The following SHANK2 variants were observed in gnomAD, a reference collection of about 807,000 sequenced individuals.
SHANK2 encodes SH3 and multiple ankyrin repeat domains 2.
Under a neutral mutation model 133.7 loss-of-function variants are expected in SHANK2, and 43 were observed. That is an observed-to-expected ratio of 0.32 (90% CI 0.25 to 0.41). The LOEUF (loss-of-function observed/expected upper bound fraction) is 0.41. Among genes scored for constraint, SHANK2 ranks in the 10% least tolerant of loss-of-function variants. SHANK2 has a pLI of 1.00. For missense variants in SHANK2, 1,994 were observed against 2,235.8 expected, an observed-to-expected ratio of 0.89 and a Z score of 2.18; for synonymous variants, 1,017 against 952.8, an observed-to-expected ratio of 1.07 and a Z score of -1.24.
At chr11:70,889,907 G>T (rs2135621952) in intron 11 of SHANK2, among the ~76,000 whole-genome samples, 1 of 152,256 alleles carries the variant, frequency 6.6e-6, no homozygotes, top group African/African-American at 2.4e-5. Flanking sequence ...GAAGACTGGG[G>T]CCAGGACATG....
intron 3 of SHANK2, among the ~76,000 whole-genome samples, chr11:71,141,610 C>T (rs1952555830): frequency 1.3e-5 from 2 of 152,140 alleles, no homozygotes; most frequent in Admixed American, 1.3e-4. Context: ...GTCTATTAAA[C>T]CTGTTTTTTA....
intron 17 of SHANK2, among the ~76,000 whole-genome samples, chr11:70,593,708 G>A (rs2060359901): frequency 6.6e-6 from 1 of 152,212 alleles, no homozygotes; most frequent in Non-Finnish European, 1.5e-5. Flanking sequence ...GGTTGGGCAG[G>A]TTACATTCCT....
At chr11:70,734,230 G>A (rs1229389101) in intron 14 of SHANK2, among the ~76,000 whole-genome samples, 1 of 152,212 alleles carries the variant, frequency 6.6e-6, no homozygotes, top group Non-Finnish European at 1.5e-5. Flanking sequence ...CCGTGACGGG[G>A]GAACTGGCTA....
chr11:70,894,833 G>A (rs1282237924), intron 11 of SHANK2, among the ~76,000 whole-genome samples: 1 of 152,124 alleles, frequency 6.6e-6, no homozygotes, highest in East Asian at 1.9e-4. Flanking sequence ...CTTCTTCACT[G>A]TGTGCCCCTG....
intron 9 of SHANK2, among the ~76,000 whole-genome samples, chr11:71,072,530 T>C (rs1249868909): frequency 6.6e-6 from 1 of 152,206 alleles, no homozygotes; most frequent in Admixed American, 6.5e-5. Flanking sequence ...AAGGTTCCAC[T>C]TGTGGGCATT....
intron 17 of SHANK2, among the ~76,000 whole-genome samples, chr11:70,617,079 ATGTG>A (rs782220845): frequency 1.3e-5 from 2 of 150,450 alleles, no homozygotes; most frequent in South Asian, 2.1e-4. Flanking sequence ...GTGTGTGTAT[ATGTG>A]TGTGTCTATG....
chr11:70,533,712 C>T (rs2059508228), intron 17 of SHANK2, among the ~76,000 whole-genome samples: 1 of 152,150 alleles, frequency 6.6e-6, no homozygotes, highest in African/African-American at 2.4e-5. Flanking sequence ...TTAGTACATT[C>T]ACAGTGTTGT....
chr11:70,525,088 C>G (rs1238988812), intron 17 of SHANK2, among the ~76,000 whole-genome samples: 1 of 152,230 alleles, frequency 6.6e-6, no homozygotes, highest in African/African-American at 2.4e-5. Flanking sequence ...GCTTGACAGC[C>G]CGGCAGCTGC....
intron 10 of SHANK2, among the ~76,000 whole-genome samples, chr11:70,931,681 C>T (rs1258194323): frequency 6.6e-6 from 1 of 152,178 alleles, no homozygotes; most frequent in Non-Finnish European, 1.5e-5. Context: ...GTCTGGATGC[C>T]AAGGACACAG....
rs1950923798 is a variant in SHANK2 at position 71,056,574 on chromosome 11, G to A, written c.1030-16C>T. 2 of 152,176 alleles carry A rather than the reference G, an allele frequency of 1.3e-5. No individual in the cohort carries two copies. The highest frequency in any genetic ancestry group is 1.9e-4 in the East Asian group (1 of 5,198). 9.4% of individuals were successfully genotyped at this position (152,176 alleles called of 1,614,324 possible). A position where few individuals can be genotyped will look rare whatever the true frequency, so the allele number is the denominator to read the frequency against. The stretch of plus-strand genomic sequence containing the variant: ...CACAGCTGTCCTGCAAATAGAAAAG[G>A]AGAAACCTGTTTGTAAAATGGTAGC... On this transcript the variant is annotated splice_polypyrimidine_tract_variant and intron_variant, in intron 9 of 25. Coordinates refer to ENST00000601538, the MANE Select transcript of SHANK2 (RefSeq NM_012309.5).
chr11:70,672,059 T>C (rs1565230822), intron 15 of SHANK2, among the ~76,000 whole-genome samples: 1 of 129,882 alleles, frequency 7.7e-6, no homozygotes, highest in African/African-American at 2.9e-5. Context: ...ACTTTTCTTT[T>C]CTTTTTCTTT....
chr11:71,147,677 T>C (rs2135406476), intron 2 of SHANK2, among the ~76,000 whole-genome samples: 1 of 152,310 alleles, frequency 6.6e-6, no homozygotes, highest in South Asian at 2.1e-4. Context: ...ACAAAGATGA[T>C]GCAGAGGGCC....
At chr11:70,925,860 AAC>A (rs1950420188) in intron 10 of SHANK2, among the ~76,000 whole-genome samples, 1 of 152,206 alleles carries the variant, frequency 6.6e-6, no homozygotes, top group African/African-American at 2.4e-5. Flanking sequence ...TCCTAGGAGA[AAC>A]ACAGTGTTAG....
At chr11:70,551,742 C>T (rs1035468298) in intron 17 of SHANK2, among the ~76,000 whole-genome samples, 7 of 152,264 alleles carry the variant, frequency 4.6e-5, no homozygotes, top group Admixed American at 2.0e-4. Context: ...CACTTAGCCT[C>T]AGCTGTGGGC....
At chr11:70,581,314 G>A (rs2060181995) in intron 17 of SHANK2, among the ~76,000 whole-genome samples, 1 of 151,944 alleles carries the variant, frequency 6.6e-6, no homozygotes, top group Admixed American at 6.6e-5. Flanking sequence ...GGTATATTTT[G>A]TGTTACATTA....
chr11:71,092,989 C>G (rs1185747681), intron 7 of SHANK2, among the ~76,000 whole-genome samples: 2 of 139,750 alleles, frequency 1.4e-5, no homozygotes, highest in South Asian at 2.2e-4. Flanking sequence ...TTGCAGTGAT[C>G]CAAGATTGCA....
chr11:70,787,204 C>T (rs567854277), intron 14 of SHANK2, among the ~76,000 whole-genome samples: 1 of 149,520 alleles, frequency 6.7e-6, no homozygotes, highest in South Asian at 2.1e-4. Context: ...TCACCAACAT[C>T]ATCACCATGA....
Position 71,127,031 on chromosome 11 carries a change from G to A in SHANK2, c.208-7999C>T, listed in dbSNP as rs533823506. Among the ~76,000 whole-genome samples the A allele has an allele frequency of 1.0e-3, 156 of 152,290 alleles. 1 individual carries two copies. The highest frequency in any genetic ancestry group is 3.4e-3 in the Middle Eastern group (1 of 294). On this transcript the variant is annotated intron_variant, in intron 3 of 25. Coordinates refer to ENST00000601538, the MANE Select transcript of SHANK2 (RefSeq NM_012309.5). The stretch of plus-strand genomic sequence containing the variant: ...AGAATATTCACGATTCATAAGTGGA[G>A]GTGAAAATATCAACATTAAGTTTGG...
At chr11:70,501,782 C>A in intron 20 of SHANK2, 141 bp downstream of exon 20, 1 of 825,894 alleles carries the variant, frequency 1.2e-6, no homozygotes, top group South Asian at 1.6e-5. Flanking sequence ...CACACAGATC[C>A]CCGGAGGATG....
Sources: allele counts gnomAD v4.1 joint callset (sites outside exome capture counted in the v4.1 genomes callset), GRCh38; gene constraint gnomAD v4.1.1; transcripts MANE v1.5; gene names NCBI Gene and HGNC (gene_info 2026-07-23, HGNC 2026-07-21).